TM9SF4: variants seen among roughly 807,000 people sequenced by gnomAD.
The protein encoded by TM9SF4 is dinucleotide oxidase disulfide thiol exchanger 3 superfamily member 4.
In TM9SF4, 26 loss-of-function variants were observed where a neutral mutation model predicts 90.4. The ratio of observed to expected loss-of-function variants is 0.29; its 90% CI spans 0.21 to 0.40. TM9SF4 has a LOEUF of 0.40. Among genes scored for constraint, TM9SF4 ranks in the 10% least tolerant of loss-of-function variants. The pLI is 1.00. For synonymous variants in TM9SF4, 293 were observed against 315.4 expected, an observed-to-expected ratio of 0.93 and a Z score of 0.75; for missense variants, 549 against 834.8, an observed-to-expected ratio of 0.66 and a Z score of 4.22.
chr20:32,111,303 C>G (rs1296552205), intron 1 of TM9SF4, among the ~76,000 whole-genome samples: 1 of 152,168 alleles, frequency 6.6e-6, no homozygotes, highest in Admixed American at 6.5e-5. Context: ...AGTGTAAGAA[C>G]TTAAAAGGAA....
chr20:32,122,872 G>A (rs1226575631), intron 1 of TM9SF4, among the ~76,000 whole-genome samples: 3 of 151,974 alleles, frequency 2.0e-5, no homozygotes, highest in Non-Finnish European at 4.4e-5. Context: ...ACTCCAGCCT[G>A]GGCGCCATTG....
intron 2 of TM9SF4, among the ~76,000 whole-genome samples, chr20:32,135,608 T>C (rs1244903834): frequency 6.6e-6 from 1 of 151,990 alleles, no homozygotes; most frequent in Non-Finnish European, 1.5e-5. Flanking sequence ...GAGACCTGAA[T>C]ATGAGGAGAA....
At chr20:32,138,713 C>T (rs1457242255) in intron 3 of TM9SF4, among the ~76,000 whole-genome samples, 1 of 152,216 alleles carries the variant, frequency 6.6e-6, no homozygotes, top group Non-Finnish European at 1.5e-5. Context: ...ATTATGTCCC[C>T]TTTCTTGGCT....
chr20:32,119,938 G>A (rs1417123329), intron 1 of TM9SF4, among the ~76,000 whole-genome samples: 1 of 152,066 alleles, frequency 6.6e-6, no homozygotes, highest in Non-Finnish European at 1.5e-5. Flanking sequence ...AATTTGCCTT[G>A]TCAGCTTTGT....
At chr20:32,153,375 A>G (rs1309113005) in intron 12 of TM9SF4, among the ~76,000 whole-genome samples, 1 of 152,178 alleles carries the variant, frequency 6.6e-6, no homozygotes, top group African/African-American at 2.4e-5. Flanking sequence ...CAGGTTCCGG[A>G]GGGCCTTCGT....
chr20:32,141,383 G>A (rs1374713862), intron 3 of TM9SF4, 114 bp from the exon 4 acceptor site: 1 of 1,304,780 alleles, frequency 7.7e-7, no homozygotes, highest in Admixed American at 2.0e-5. Flanking sequence ...CTGAGGCACT[G>A]CTGAAGTCCT....
intron 1 of TM9SF4, among the ~76,000 whole-genome samples, chr20:32,122,953 G>A (rs554581688): frequency 4.1e-4 from 63 of 151,832 alleles, no homozygotes; most frequent in Non-Finnish European, 7.8e-4. Flanking sequence ...GATCACTCGC[G>A]GTTAGGAGCT....
chr20:32,129,264 G>T (rs1206984728), intron 1 of TM9SF4, among the ~76,000 whole-genome samples: 2 of 152,072 alleles, frequency 1.3e-5, no homozygotes, highest in Non-Finnish European at 2.9e-5. Context: ...AGGCTGAGGC[G>T]GGAGGATTGC....
At chr20:32,114,429 C>T (rs2046192348) in intron 1 of TM9SF4, among the ~76,000 whole-genome samples, 1 of 152,216 alleles carries the variant, frequency 6.6e-6, no homozygotes, top group African/African-American at 2.4e-5. Flanking sequence ...CTCCCGGGCT[C>T]AGGCGATCAT....
chr20:32,156,755 C>T (rs144762793), intron 13 of TM9SF4, among the ~76,000 whole-genome samples: 1 of 151,622 alleles, frequency 6.6e-6, no homozygotes, highest in Admixed American at 6.6e-5. Context: ...CTACAGGTGT[C>T]ACCACCACAC....
At chr20:32,120,165 A>C (rs955529205) in intron 1 of TM9SF4, among the ~76,000 whole-genome samples, 4 of 152,148 alleles carry the variant, frequency 2.6e-5, no homozygotes, top group Non-Finnish European at 5.9e-5. Context: ...TCAGCTTGTC[A>C]GTTTCTACAG....
chr20:32,143,421 G>A (rs899660247), intron 6 of TM9SF4, among the ~76,000 whole-genome samples: 2 of 152,216 alleles, frequency 1.3e-5, no homozygotes, highest in Non-Finnish European at 2.9e-5. Flanking sequence ...CAGCAAGTTG[G>A]GGCTTTGTTG....
At chr20:32,121,927 G>A (rs1366361095) in intron 1 of TM9SF4, among the ~76,000 whole-genome samples, 1 of 146,360 alleles carries the variant, frequency 6.8e-6, no homozygotes, top group Non-Finnish European at 1.5e-5. Context: ...GCCGGGCGGG[G>A]GGCTGACCCC....
At chr20:32,161,254 C>G (rs1376899925) in intron 16 of TM9SF4, 22 bp from the exon 17 acceptor site, 1 of 1,610,114 alleles carries the variant, frequency 6.2e-7, no homozygotes, top group Admixed American at 1.7e-5. Context: ...ACAACACTGA[C>G]CTTCCTCTGT....
intron 1 of TM9SF4, among the ~76,000 whole-genome samples, chr20:32,131,116 A>G (rs1259982059): frequency 1.3e-5 from 2 of 152,224 alleles, no homozygotes; most frequent in Non-Finnish European, 2.9e-5. Context: ...TTTCTTTTAA[A>G]GATTTTCCTG....
In TM9SF4 at chr20:32,136,185, T is replaced by C. The variant is rs2046591859; in HGVS notation, c.229+12T>C. The C allele has an allele frequency of 5.6e-6, 9 of 1,612,920 alleles. No homozygotes were observed. In the East Asian group the frequency reaches 2.0e-4, roughly 36 times the overall value. On this transcript the variant is annotated intron_variant, in intron 3 of 17. Coordinates refer to ENST00000398022, the MANE Select transcript of TM9SF4 (RefSeq NM_014742.4). ...GGCAGAGAATCTGGGTAAGTTCTTC[T>C]CCCACACTGCTGTCAACTTGTCCCC... is the stretch of plus-strand genomic sequence containing the variant.
intron 13 of TM9SF4, among the ~76,000 whole-genome samples, chr20:32,156,495 C>T (rs977663949): frequency 2.0e-5 from 3 of 152,252 alleles, no homozygotes; most frequent in African/African-American, 7.2e-5. Flanking sequence ...TTTACGTACA[C>T]ACATCCTGTA....
rs1207031402 is a variant in TM9SF4, at chr20:32,144,988, G to A, written c.653-103G>A. On this transcript the variant is annotated intron_variant, in intron 6 of 17. Transcript: ENST00000398022. ...CCCAGTCTCCACTCCCACCCTAGAG[G>A]CTGGGTCTCCGCGACAGGCAGCCTT... The A allele has an allele frequency of 8.0e-6, 8 of 1,002,400 alleles. No homozygotes were observed. In the African/African-American group the frequency reaches 9.5e-5, roughly 12 times the overall value. 62.1% of individuals were successfully genotyped at this position (1,002,400 alleles called of 1,614,324 possible). A position where few individuals can be genotyped will look rare whatever the true frequency, so the allele number is the denominator to read the frequency against.
chr20:32,122,231 CGGGGCGGCTGGCCTGGCGGGGGGCTG>C (rs1569050130), intron 1 of TM9SF4, among the ~76,000 whole-genome samples: 4 of 82,364 alleles, frequency 4.9e-5, no homozygotes, highest in East Asian at 1.6e-3. Flanking sequence ...CCCTCCCGGA[CGGGGCGGCTGGCCTGGCGGGGGGCTG>C]ACCCCCCACC....
Sources: allele counts gnomAD v4.1 joint callset (sites outside exome capture counted in the v4.1 genomes callset), GRCh38; gene constraint gnomAD v4.1.1; transcripts MANE v1.5; gene names NCBI Gene and HGNC (gene_info 2026-07-23, HGNC 2026-07-21).